Variants in SERPING1 observed in about 807,000 individuals in gnomAD.
The protein encoded by SERPING1 is plasma protease C1 inhibitor.
SERPING1 carries 5 observed loss-of-function variants against 34.1 expected under a neutral mutation model. The ratio of observed to expected loss-of-function variants is 0.15; its 90% confidence interval spans 0.08 to 0.31. SERPING1 has a LOEUF of 0.31. Among genes scored for constraint, SERPING1 ranks in the 10% least tolerant of loss-of-function variants. The pLI, the probability that SERPING1 is intolerant of heterozygous loss-of-function variation, is 1.00. For missense variants in SERPING1, 505 were observed against 609.5 expected (o/e 0.83, Z 1.81); for synonymous variants, 225 against 242.4 (o/e 0.93, Z 0.67).
At chr11:57,608,694 G>A (rs1945440263) in intron 6 of SERPING1, among the ~76,000 whole-genome samples, 6 of 151,956 alleles carry the variant, frequency 3.9e-5, no homozygotes, top group Admixed American at 3.9e-4. Flanking sequence ...TGTATTTTTA[G>A]TAGAGATGGG....
rs2135305002 is a variant in SERPING1, at chr11:57,597,700, T to C, written c.-45T>C. 6.9e-6 allele frequency: 1 copy of C among 145,686 alleles called. No homozygotes were observed. Among genetic ancestry groups the C allele is most frequent in the East Asian group, 2.3e-4 (1 of 4,322 alleles). The allele number at this position is 145,686 out of a possible 1,614,324, so 9.0% of individuals were successfully genotyped here. A position where few individuals can be genotyped will look rare whatever the true frequency, so the allele number is the denominator to read the frequency against. On this transcript the variant is annotated 5_prime_UTR_variant, in exon 1 of 8. Transcript: ENST00000278407. ...CTCTCTACTCAGTCTGCACTGGAGC[T>C]GCCTGGTGACCAGAAGTTTGGAGTA...
chr11:57,606,638 G>A, intron 6 of SERPING1, 91 bp downstream of exon 6: 1 of 1,322,404 alleles, frequency 7.6e-7, no homozygotes, highest in Non-Finnish European at 1.1e-6. Context: ...TGGGGTACAT[G>A]CTTACAAATT....
At chr11:57,605,954 C>T in intron 4 of SERPING1, 56 bp from the exon 5 acceptor site, 1 of 1,480,386 alleles carries the variant, frequency 6.8e-7, no homozygotes, top group South Asian at 1.1e-5. Context: ...AAATCGTGCT[C>T]ATGGAAAGAA....
intron 6 of SERPING1, among the ~76,000 whole-genome samples, chr11:57,609,135 C>T (rs989391291): frequency 6.6e-6 from 1 of 151,574 alleles, no homozygotes; most frequent in African/African-American, 2.4e-5. Context: ...AAAAATTAGC[C>T]AGGCATGGTG....
At chr11:57,607,868 C>A (rs1945428717) in intron 6 of SERPING1, among the ~76,000 whole-genome samples, 1 of 152,210 alleles carries the variant, frequency 6.6e-6, no homozygotes, top group Non-Finnish European at 1.5e-5. Flanking sequence ...CCATGTTAGC[C>A]AAGCTGGTCT....
chr11:57,611,028 G>A (rs143013791), intron 6 of SERPING1, among the ~76,000 whole-genome samples: 23 of 152,072 alleles, frequency 1.5e-4, no homozygotes, highest in African/African-American at 5.3e-4. Flanking sequence ...TCCACCTCCC[G>A]GGTTCAAGCA....
chr11:57,612,036 T>G, intron 7 of SERPING1, 100 bp downstream of exon 7: 1 of 1,021,154 alleles, frequency 9.8e-7, no homozygotes, highest in Non-Finnish European at 1.5e-6. Context: ...TTTACATCCA[T>G]AATCTCAGTT....
Position 57,612,456 on chromosome 11 carries a change from T to A in SERPING1, c.1249+520T>A, listed in dbSNP as rs1945488440. ...TCTTGCTCTGTCACCCAGGACAGGC[T>A]GGAGTGCAGTGGTGCGATCTCTGCT... On this transcript the variant is annotated intron_variant, in intron 7 of 7. Transcript: ENST00000278407. Among the ~76,000 whole-genome samples, 3 of 149,766 alleles carry A rather than the reference T, an allele frequency of 2.0e-5. No homozygotes were observed. The Admixed American group carries it at 2.0e-4, about 10-fold the overall frequency.
chr11:57,605,138 G>C (rs1352651560), intron 4 of SERPING1, among the ~76,000 whole-genome samples: 1 of 152,000 alleles, frequency 6.6e-6, no homozygotes, highest in Non-Finnish European at 1.5e-5. Flanking sequence ...TACTTACAAA[G>C]CTGTAAGTCA....
chr11:57,599,712 TTAG>T (rs1337537319), intron 2 of SERPING1, among the ~76,000 whole-genome samples, 164 bp from the exon 3 acceptor site: 2 of 152,150 alleles, frequency 1.3e-5, no homozygotes, highest in Non-Finnish European at 2.9e-5. Context: ...CTCTGAGGAA[TTAG>T]TGGTGGTGGT....
At chr11:57,606,616 G>A (rs1945413182) in intron 6 of SERPING1, 69 bp downstream of exon 6, 2 of 1,523,590 alleles carry the variant, frequency 1.3e-6, no homozygotes, top group African/African-American at 2.7e-5. Flanking sequence ...TTCTGCTGTA[G>A]TCCCATCATT....
Position 57,600,356 on chromosome 11 carries a change from C to T in SERPING1, c.529C>T (p.Leu177Phe), listed in dbSNP as rs1403943738. ...MAFSPFSIAS[L>F]LTQVLLGAGE... ...CTTTTCCCCATTCAGCATCGCCAGC[C>T]TCCTTACCCAGGTCCTGCTCGGTAA... Residue 177 changes from leucine (L) to phenylalanine (F), a missense_variant, in exon 3 of 8, where the codon CTC becomes TTC. Physicochemically the swap from Leu to Phe is conservative, Grantham distance 22 (BLOSUM62 0). Coordinates refer to ENST00000278407, the MANE Select transcript of SERPING1 (RefSeq NM_000062.3). 6.2e-7 allele frequency: 1 copy of T among 1,612,576 alleles called. No individual in the cohort carries two copies. Among genetic ancestry groups the T allele is most frequent in the Admixed American group, 1.7e-5 (1 of 60,012 alleles).
Position 57,602,114 on chromosome 11 carries a change from G to A in SERPING1, c.630G>A (p.Leu210=). The change falls in exon 4 of 8, where the codon CTG becomes CTA. Residue 210 remains leucine, a synonymous_variant. Transcript: ENST00000278407. ...ACTTCACCTGTGTCCACCAGGCCCT[G>A]AAGGGCTTCACGACCAAAGGTGTCA... ...PKDFTCVHQA[L]KGFTTKGVTS... 1 of 1,614,184 alleles carries A rather than the reference G, an allele frequency of 6.2e-7. No homozygotes were observed. Among genetic ancestry groups the A allele is most frequent in the East Asian group, 2.2e-5 (1 of 44,856 alleles).
chr11:57,604,831 C>T (rs1945390848), intron 4 of SERPING1, among the ~76,000 whole-genome samples: 1 of 151,288 alleles, frequency 6.6e-6, no homozygotes, highest in Non-Finnish European at 1.5e-5. Context: ...ATAGACAGAC[C>T]TCATCTCTAC....
intron 2 of SERPING1, among the ~76,000 whole-genome samples, chr11:57,599,598 C>T (rs1455063855): frequency 1.3e-5 from 2 of 152,172 alleles, no homozygotes; most frequent in African/African-American, 4.8e-5. Flanking sequence ...AAACAACTTC[C>T]TACAGGGCAG....
intron 4 of SERPING1, 127 bp downstream of exon 4, chr11:57,602,296 G>A (rs1945357346): frequency 8.7e-7 from 1 of 1,145,860 alleles, no homozygotes; most frequent in African/African-American, 1.5e-5. Context: ...ATGGACTGCA[G>A]AGCAGGTGAA....
chr11:57,605,890 C>T, intron 4 of SERPING1, 120 bp from the exon 5 acceptor site: 1 of 981,168 alleles, frequency 1.0e-6, no homozygotes, highest in East Asian at 2.4e-5. Flanking sequence ...CGCGCTCCAC[C>T]ATGCCGTATT....
At chr11:57,613,369 C>A (rs540827539) in intron 7 of SERPING1, among the ~76,000 whole-genome samples, 1 of 152,186 alleles carries the variant, frequency 6.6e-6, no homozygotes, top group African/African-American at 2.4e-5. Context: ...ATGTCAGTTA[C>A]AAGACTGGGT....
chr11:57,614,500 G>A lies in SERPING1; in HGVS notation c.1422G>A (p.Gln474=), dbSNP rs1450674538. The stretch of plus-strand genomic sequence containing the variant: ...GCACCCTGCTGGTCTTTGAAGTGCA[G>A]CAGCCCTTCCTCTTCGTGCTCTGGG... The part of the protein sequence containing the change: ...VARTLLVFEV[Q]QPFLFVLWDQ... The change falls in exon 8 of 8, where the codon CAG becomes CAA. Residue 474 remains glutamine, a synonymous_variant. Coordinates refer to ENST00000278407, the MANE Select transcript of SERPING1 (RefSeq NM_000062.3). 7.4e-6 allele frequency: 12 copies of A among 1,613,956 alleles called. No individual in the cohort carries two copies. In the Middle Eastern group the frequency reaches 4.9e-4, roughly 66 times the overall value.
Sources: allele counts gnomAD v4.1 joint callset (sites outside exome capture counted in the v4.1 genomes callset), GRCh38; gene constraint gnomAD v4.1.1; transcripts MANE v1.5; gene names NCBI Gene and HGNC (gene_info 2026-07-23, HGNC 2026-07-21).